The following CAMTA1 variants were observed in gnomAD, a reference collection of about 807,000 sequenced individuals.
The protein encoded by CAMTA1 is calmodulin binding transcription activator 1, also known as calmodulin-binding transcription activator 1.
In CAMTA1, 27 loss-of-function variants were observed where a neutral mutation model predicts 170.9. The observed-to-expected ratio is 0.16, with a 90% CI of 0.12 to 0.22. CAMTA1 has a LOEUF of 0.22. CAMTA1 is among the 10% of genes least tolerant of loss of function. The pLI, the probability that CAMTA1 is intolerant of heterozygous loss-of-function variation, is 1.00. For missense variants in CAMTA1, 1,619 were observed against 2,217.2 expected (o/e 0.73, Z 5.42); for synonymous variants, 833 against 891.5 (o/e 0.93, Z 1.17).
At chr1:7,487,017 G>A (rs1297896449) in intron 6 of CAMTA1, among the ~76,000 whole-genome samples, 1 of 109,628 alleles carries the variant, frequency 9.1e-6, no homozygotes, top group Non-Finnish European at 1.9e-5. Flanking sequence ...CTCAAGGGTT[G>A]TTGGGAGGGG....
At position 7,286,542 on chromosome 1, in the gene CAMTA1, C is replaced by T. The variant is rs1672375799; in HGVS notation, c.438+36916C>T. On this transcript the variant is annotated intron_variant, in intron 5 of 22. Transcript: ENST00000303635. The surrounding 1 kb of genome is among the most constrained non-coding windows in gnomAD (Gnocchi z 4.2). Reference sequence around the variant, plus strand: ...ATCCTCTGAGGCTGGGGAGATGTACCTGTGGCTGACGTTAATGCACAGAAT... The same window carrying T: ...ATCCTCTGAGGCTGGGGAGATGTACTTGTGGCTGACGTTAATGCACAGAAT... Among the ~76,000 whole-genome samples the T allele has an allele frequency of 6.6e-6, 1 of 152,188 alleles. No individual in the cohort carries two copies. Among genetic ancestry groups the T allele is most frequent in the South Asian group, 2.1e-4 (1 of 4,832 alleles).
rs894265903 is a variant in CAMTA1 at position 7,547,274 on chromosome 1, G to A, written c.510+79373G>A. On this transcript the variant is annotated intron_variant, in intron 6 of 22. Coordinates refer to ENST00000303635, the MANE Select transcript of CAMTA1 (RefSeq NM_015215.4). The surrounding 1 kb of genome is among the most constrained non-coding windows in gnomAD (Gnocchi z 5.7). Reference sequence around the variant, plus strand: ...GTGGAAAGTGGTGTTTAGAAGCCAAGATCTGGGCCTGAGTATGCTCACTGC... The same window carrying A: ...GTGGAAAGTGGTGTTTAGAAGCCAAAATCTGGGCCTGAGTATGCTCACTGC... Among the ~76,000 whole-genome samples the A allele has an allele frequency of 1.3e-5, 2 of 151,902 alleles. No homozygotes were observed. Among genetic ancestry groups the A allele is most frequent in the Non-Finnish European group, 2.9e-5 (2 of 67,994 alleles).
chr1:7,071,472 A>G (rs1270331178), intron 3 of CAMTA1, among the ~76,000 whole-genome samples: 1 of 152,144 alleles, frequency 6.6e-6, no homozygotes, highest in Non-Finnish European at 1.5e-5. Flanking sequence ...TATTATTTTA[A>G]TGACTTTCTA....
chr1:7,714,183 G>A (rs1463903293), intron 11 of CAMTA1, among the ~76,000 whole-genome samples: 1 of 152,226 alleles, frequency 6.6e-6, no homozygotes, highest in Non-Finnish European at 1.5e-5. Context: ...TTCTTGAAAA[G>A]TGAAGGCCCA....
chr1:7,705,863 A>C (rs1251982227), intron 11 of CAMTA1, among the ~76,000 whole-genome samples: 6 of 152,204 alleles, frequency 3.9e-5, no homozygotes, highest in Non-Finnish European at 8.8e-5. Context: ...GCTTCCCTGC[A>C]GACTGGCGAC....
chr1:7,539,545 C>T (rs1036778279), intron 6 of CAMTA1, among the ~76,000 whole-genome samples: 1 of 152,182 alleles, frequency 6.6e-6, no homozygotes. Flanking sequence ...TATATCACTC[C>T]GAAGTTTGTG....
intron 4 of CAMTA1, among the ~76,000 whole-genome samples, chr1:7,226,469 A>G (rs1208858256): frequency 6.6e-6 from 1 of 152,156 alleles, no homozygotes; most frequent in African/African-American, 2.4e-5. Flanking sequence ...TTTCTCTCTG[A>G]TAAAGATAGA....
intron 4 of CAMTA1, among the ~76,000 whole-genome samples, chr1:7,231,216 G>T (rs886812087): frequency 3.9e-5 from 6 of 152,202 alleles, no homozygotes; most frequent in South Asian, 2.1e-4. Flanking sequence ...ATGGTGTCCA[G>T]GCAAGGGCTG....
In CAMTA1 at chr1:7,204,407, A is replaced by G. The variant is rs142452120; in HGVS notation, c.303-45084A>G. Among the ~76,000 whole-genome samples the G allele has an allele frequency of 5.3e-4, 81 of 152,008 alleles. 1 individual carries two copies. Among genetic ancestry groups the G allele is most frequent in the African/African-American group, 1.9e-3 (77 of 41,462 alleles). ...TTCGTATTTTTTTATTTCCCATTTGATTCTTAAGGCATTGATTATGTAAGA... is the reference window on the plus strand; with the variant it reads ...TTCGTATTTTTTTATTTCCCATTTGGTTCTTAAGGCATTGATTATGTAAGA... On this transcript the variant is annotated intron_variant, in intron 4 of 22. Coordinates refer to ENST00000303635, the MANE Select transcript of CAMTA1 (RefSeq NM_015215.4).
chr1:7,218,214 G>T (rs1408884194), intron 4 of CAMTA1, among the ~76,000 whole-genome samples: 1 of 152,304 alleles, frequency 6.6e-6, no homozygotes, highest in South Asian at 2.1e-4. Flanking sequence ...ATTTACAAGC[G>T]TTGAGGATAT....
intron 3 of CAMTA1, among the ~76,000 whole-genome samples, chr1:6,895,539 T>C (rs571174787): frequency 2.6e-5 from 4 of 152,342 alleles, no homozygotes; most frequent in African/African-American, 9.6e-5. Context: ...GCTTAAACCC[T>C]ACAGTGACTT....
At chr1:7,445,917 C>T (rs775792857) in intron 5 of CAMTA1, among the ~76,000 whole-genome samples, 1 of 152,096 alleles carries the variant, frequency 6.6e-6, no homozygotes, top group African/African-American at 2.4e-5. Flanking sequence ...CCAGAGCCTG[C>T]GAGTCCAAAG....
At position 7,706,886 on chromosome 1, in the gene CAMTA1, C is replaced by CTTT. The variant is rs139511207; in HGVS notation, c.2915-25546_2915-25544dup. 6.1e-4 allele frequency among the ~76,000 whole-genome samples: 81 copies of CTTT among 132,162 alleles called. 1 individual carries two copies. The highest frequency in any genetic ancestry group is 1.3e-3 in the African/African-American group (45 of 35,206). The allele number at this position is 132,162 out of a possible 152,430, so 86.7% of individuals were successfully genotyped here. ...GGCGGATGCATTATTTCAGGCTATT[C>CTTT]TTTTTTTTTTTTTTTTTTGAGACGG... On this transcript the variant is annotated intron_variant, in intron 11 of 22. Transcript: ENST00000303635.
intron 5 of CAMTA1, among the ~76,000 whole-genome samples, chr1:7,312,917 T>C (rs1676952080): frequency 1.3e-5 from 2 of 152,230 alleles, no homozygotes; most frequent in Non-Finnish European, 2.9e-5. Context: ...TAGTGTTTGG[T>C]CAACTATTTT....
intron 11 of CAMTA1, among the ~76,000 whole-genome samples, chr1:7,687,566 C>T (rs925205187): frequency 6.6e-6 from 1 of 152,278 alleles, no homozygotes; most frequent in African/African-American, 2.4e-5. Flanking sequence ...TTGCCTGGCC[C>T]AGGAGATCGC....
rs549996864 is a variant in CAMTA1 at position 7,194,047 on chromosome 1, G to A, written c.303-55444G>A. ...ACATGTGAACGGAAGCATTTTATAC[G>A]TAAACGTAGGGATGTGTGTGACCTA... On this transcript the variant is annotated intron_variant, in intron 4 of 22. Transcript: ENST00000303635. Among the ~76,000 whole-genome samples the A allele has an allele frequency of 5.3e-5, 8 of 152,292 alleles. No homozygotes were observed. The South Asian group carries it at 1.5e-3, about 28-fold the overall frequency.
intron 4 of CAMTA1, among the ~76,000 whole-genome samples, chr1:7,096,216 G>T (rs1642055645): frequency 6.6e-6 from 1 of 152,152 alleles, no homozygotes; most frequent in Admixed American, 6.5e-5. Context: ...GTTTCAAAAA[G>T]ACTCCAGTGG....
intron 3 of CAMTA1, among the ~76,000 whole-genome samples, chr1:6,846,363 C>T (rs575197945): frequency 1.1e-4 from 17 of 152,310 alleles, no homozygotes; most frequent in Admixed American, 2.6e-4. Context: ...TCTCCATTTA[C>T]GTGGAGCCAC....
At chr1:7,205,568 AT>A in intron 4 of CAMTA1, among the ~76,000 whole-genome samples, 1 of 152,224 alleles carries the variant, frequency 6.6e-6, no homozygotes. Context: ...CTCTTGCAAC[AT>A]TTTTTTAAAG....
Sources: allele counts gnomAD v4.1 joint callset (sites outside exome capture counted in the v4.1 genomes callset), GRCh38; gene constraint gnomAD v4.1.1; non-coding constraint Gnocchi (gnomAD v3.1); transcripts MANE v1.5; gene names NCBI Gene and HGNC (gene_info 2026-07-23, HGNC 2026-07-21).